PDE1C: variants seen among roughly 807,000 people sequenced by gnomAD.
PDE1C encodes phosphodiesterase 1C, also known as dual specificity calcium/calmodulin-dependent 3',5'-cyclic nucleotide phosphodiesterase 1C.
A neutral mutation model predicts 93.1 loss-of-function variants in PDE1C; 62 were observed. The observed-to-expected ratio is 0.67, with a 90% CI of 0.54 to 0.82. PDE1C has a LOEUF of 0.82. Among genes scored for constraint, PDE1C ranks in the 40% least tolerant of loss-of-function variants. PDE1C has a pLI of 0.00. For missense variants in PDE1C, 742 were observed against 884.6 expected, an observed-to-expected ratio of 0.84 and a Z score of 2.04; for synonymous variants, 325 against 310.1, an observed-to-expected ratio of 1.05 and a Z score of -0.50.
intron 2 of PDE1C, among the ~76,000 whole-genome samples, chr7:31,973,816 G>C (rs1023676642): frequency 6.6e-6 from 1 of 152,026 alleles, no homozygotes; most frequent in Non-Finnish European, 1.5e-5. Flanking sequence ...GCCTGGAAGT[G>C]GTCTAGTATA....
At chr7:32,194,484 G>A (rs982600704) in intron 2 of PDE1C, among the ~76,000 whole-genome samples, 2 of 152,090 alleles carry the variant, frequency 1.3e-5, no homozygotes, top group Non-Finnish European at 1.5e-5. Context: ...GTATTGTTTG[G>A]TGCATAAATA....
chr7:32,328,679 C>T (rs547377550), intron 1 of PDE1C, among the ~76,000 whole-genome samples: 2 of 152,002 alleles, frequency 1.3e-5, no homozygotes, highest in Non-Finnish European at 2.9e-5. Flanking sequence ...AACTACTATT[C>T]TTCCTTCAGG....
At chr7:32,339,186 A>C (rs28592938) in intron 1 of PDE1C, among the ~76,000 whole-genome samples, 10,796 of 152,154 alleles carry the variant, frequency 0.071, 1,338 homozygotes, top group African/African-American at 0.25. Flanking sequence ...AAAATTTAAA[A>C]GTCATAATAG....
chr7:31,671,341 T>TG, the PDE1C span, among the ~76,000 whole-genome samples: 1 of 152,212 alleles, frequency 6.6e-6, no homozygotes, highest in African/African-American at 2.4e-5. Context: ...CTCCTGCACC[T>TG]GCTCATCTAT....
At chr7:31,647,114 A>G in the PDE1C span, among the ~76,000 whole-genome samples, 3 of 152,244 alleles carry the variant, frequency 2.0e-5, no homozygotes, top group East Asian at 3.9e-4. Flanking sequence ...AAGTGGAAAT[A>G]AGAGATTGCA....
At chr7:31,650,281 A>G in the PDE1C span, among the ~76,000 whole-genome samples, 1 of 152,166 alleles carries the variant, frequency 6.6e-6, no homozygotes, top group Non-Finnish European at 1.5e-5. Context: ...CAGCCTTTAG[A>G]TTTCTCAGTC....
At chr7:31,781,703 C>T (rs146878702) in intron 16 of PDE1C, among the ~76,000 whole-genome samples, 25 of 129,058 alleles carry the variant, frequency 1.9e-4, no homozygotes, top group Non-Finnish European at 3.2e-4. Flanking sequence ...CCCCCACCCC[C>T]CACACACTGC....
At chr7:32,130,955 C>A (rs544971847) in intron 3 of PDE1C, among the ~76,000 whole-genome samples, 1 of 151,842 alleles carries the variant, frequency 6.6e-6, no homozygotes, top group South Asian at 2.1e-4. Flanking sequence ...TTTTACTGGG[C>A]ATTTTGTGCT....
chr7:31,698,178 T>C, the PDE1C span, among the ~76,000 whole-genome samples: 1 of 152,192 alleles, frequency 6.6e-6, no homozygotes, highest in Non-Finnish European at 1.5e-5. Flanking sequence ...GTTATAAAAC[T>C]ATATTTCCCC....
At chr7:31,628,351 C>T in the PDE1C span, among the ~76,000 whole-genome samples, 20 of 152,170 alleles carry the variant, frequency 1.3e-4, no homozygotes, top group African/African-American at 4.1e-4. Flanking sequence ...CAACAAACGA[C>T]TGGTCTCCCT....
At chr7:31,828,022 A>C (rs1457801156) in intron 12 of PDE1C, among the ~76,000 whole-genome samples, 1 of 152,042 alleles carries the variant, frequency 6.6e-6, no homozygotes, top group East Asian at 1.9e-4. Context: ...GACACTTGTT[A>C]TCTCCTTGGA....
At chr7:32,114,590 AT>A (rs1169551130) in intron 3 of PDE1C, among the ~76,000 whole-genome samples, 1 of 152,222 alleles carries the variant, frequency 6.6e-6, no homozygotes, top group African/African-American at 2.4e-5. Context: ...GCCAAAAGCA[AT>A]TGCAACAAAA....
chr7:32,231,953 G>A (rs1181301629), intron 1 of PDE1C, among the ~76,000 whole-genome samples: 7 of 46,486 alleles, frequency 1.5e-4, no homozygotes, highest in Non-Finnish European at 2.2e-4. Flanking sequence ...AAATAAATAT[G>A]TGTATACACA....
At chr7:31,672,631 G>A in the PDE1C span, among the ~76,000 whole-genome samples, 1 of 151,478 alleles carries the variant, frequency 6.6e-6, no homozygotes, top group Non-Finnish European at 1.5e-5. Flanking sequence ...GTACATTTTG[G>A]GGAGTGTAGA....
intron 2 of PDE1C, among the ~76,000 whole-genome samples, chr7:31,985,240 T>C (rs528466587): frequency 1.2e-3 from 176 of 152,226 alleles, no homozygotes; most frequent in Non-Finnish European, 1.7e-3. Flanking sequence ...CTTACAATTC[T>C]TTGCTCAGAG....
intron 15 of PDE1C, among the ~76,000 whole-genome samples, chr7:31,813,598 C>A (rs967088269): frequency 3.9e-5 from 6 of 152,050 alleles, no homozygotes; most frequent in Non-Finnish European, 8.8e-5. Context: ...AAAACAGTAA[C>A]AGGTACATAA....
At chr7:32,114,531 G>T (rs1476049251) in intron 3 of PDE1C, among the ~76,000 whole-genome samples, 1 of 152,104 alleles carries the variant, frequency 6.6e-6, no homozygotes, top group Non-Finnish European at 1.5e-5. Flanking sequence ...GAAAACCTAG[G>T]CAATACCATT....
chr7:31,878,746 C>G (rs960303658), intron 4 of PDE1C, among the ~76,000 whole-genome samples: 15 of 152,144 alleles, frequency 9.9e-5, no homozygotes, highest in Non-Finnish European at 2.9e-5. Context: ...AAATTAGAGA[C>G]TGAACTCAAA....
chr7:31,634,271 CTAAT>C, the PDE1C span, among the ~76,000 whole-genome samples: 2 of 152,064 alleles, frequency 1.3e-5, no homozygotes, highest in African/African-American at 4.8e-5. Flanking sequence ...ATGGTAATTT[CTAAT>C]TAATATTAGT....
Sources: gnomAD v4.1 joint callset for allele counts (sites outside exome capture counted in the v4.1 genomes callset) on GRCh38, gnomAD v4.1.1 for gene constraint, MANE v1.5 for transcripts, NCBI Gene and HGNC (gene_info 2026-07-23, HGNC 2026-07-21) for gene names.